WWOX: variants seen among roughly 807,000 people sequenced by gnomAD.
The protein encoded by WWOX is WW domain containing oxidoreductase, also known as WW domain-containing oxidoreductase.
WWOX carries 69 observed loss-of-function variants against 46.2 expected under a neutral mutation model. That is an observed-to-expected ratio of 1.49 (90% CI 1.23 to 1.82). WWOX has a LOEUF of 1.82. Among genes scored for constraint, WWOX ranks in the 40% most tolerant of loss-of-function variants. The pLI is 0.00. For missense variants in WWOX, 919 were observed against 542.6 expected (o/e 1.69, Z -6.89); for synonymous variants, 359 against 202.6 (o/e 1.77, Z -6.56).
chr16:78,797,188 G>C (rs1377277704), intron 8 of WWOX, among the ~76,000 whole-genome samples: 1 of 151,862 alleles, frequency 6.6e-6, no homozygotes, highest in African/African-American at 2.4e-5. Flanking sequence ...CATTGGATGT[G>C]GAAGAAATGA....
chr16:78,722,426 G>A (rs901555565), intron 8 of WWOX, among the ~76,000 whole-genome samples: 9 of 152,180 alleles, frequency 5.9e-5, no homozygotes, highest in Admixed American at 2.0e-4. Flanking sequence ...GTGACCGTAT[G>A]AAATGAGCAG....
intron 8 of WWOX, among the ~76,000 whole-genome samples, chr16:78,574,821 T>G (rs1387625209): frequency 6.7e-6 from 1 of 149,314 alleles, no homozygotes; most frequent in Non-Finnish European, 1.5e-5. Context: ...AGTGGGGAGG[T>G]GTTGATCTAA....
At chr16:78,605,919 A>G (rs890928344) in intron 8 of WWOX, among the ~76,000 whole-genome samples, 2 of 152,202 alleles carry the variant, frequency 1.3e-5, no homozygotes, top group Non-Finnish European at 2.9e-5. Flanking sequence ...GCATGGAGCA[A>G]GAAGCTGAAA....
chr16:78,700,281 C>T (rs1163810910), intron 8 of WWOX, among the ~76,000 whole-genome samples: 1 of 147,878 alleles, frequency 6.8e-6, no homozygotes, highest in African/African-American at 2.5e-5. Context: ...TTGTGGACAG[C>T]TGCCTTCTTG....
chr16:78,471,769 T>A (rs968357606), intron 8 of WWOX, among the ~76,000 whole-genome samples: 3 of 152,192 alleles, frequency 2.0e-5, no homozygotes, highest in African/African-American at 7.2e-5. Context: ...TTTCTCTTAA[T>A]CAAAATAATA....
intron 5 of WWOX, among the ~76,000 whole-genome samples, chr16:78,229,478 G>T (rs1335055779): frequency 8.8e-6 from 1 of 114,008 alleles, no homozygotes. Context: ...CTCTCTATAT[G>T]TATATCTGTA....
intron 8 of WWOX, among the ~76,000 whole-genome samples, chr16:79,192,320 CATT>C (rs2051152895): frequency 1.8e-5 from 1 of 54,758 alleles, no homozygotes; most frequent in East Asian, 4.7e-4. Context: ...TTCATTCATT[CATT>C]CATTCATTCA....
chr16:78,631,195 A>T (rs2046420917), intron 8 of WWOX, among the ~76,000 whole-genome samples: 1 of 152,150 alleles, frequency 6.6e-6, no homozygotes, highest in African/African-American at 2.4e-5. Context: ...CCCTTTGGAT[A>T]CTGAGGGACA....
At chr16:78,945,530 T>A (rs528693585) in intron 8 of WWOX, among the ~76,000 whole-genome samples, 1 of 152,352 alleles carries the variant, frequency 6.6e-6, no homozygotes, top group South Asian at 2.1e-4. Flanking sequence ...ACTGTTTATA[T>A]ACCCGGCCAC....
intron 8 of WWOX, among the ~76,000 whole-genome samples, chr16:78,755,178 C>T (rs1399970464): frequency 6.8e-6 from 1 of 147,140 alleles, no homozygotes; most frequent in Non-Finnish European, 1.5e-5. Flanking sequence ...AACAAGGCTG[C>T]ATGTTCTGCA....
chr16:78,877,753 C>T (rs979730854), intron 8 of WWOX, among the ~76,000 whole-genome samples: 5 of 152,108 alleles, frequency 3.3e-5, no homozygotes, highest in East Asian at 3.9e-4. Flanking sequence ...AGGCTTAGCA[C>T]GTGGAAGACA....
At chr16:79,060,706 A>G (rs925984917) in intron 8 of WWOX, among the ~76,000 whole-genome samples, 6 of 152,218 alleles carry the variant, frequency 3.9e-5, no homozygotes, top group Non-Finnish European at 8.8e-5. Flanking sequence ...TGTTTAATGT[A>G]ACCAATGAGG....
intron 8 of WWOX, among the ~76,000 whole-genome samples, chr16:78,911,458 G>A (rs550864068): frequency 6.6e-6 from 1 of 152,130 alleles, no homozygotes; most frequent in East Asian, 1.9e-4. Context: ...TGCTAGAAAT[G>A]ATAATGGTGA....
At chr16:78,402,456 C>T (rs2082435944) in intron 6 of WWOX, among the ~76,000 whole-genome samples, 1 of 152,006 alleles carries the variant, frequency 6.6e-6, no homozygotes, top group Admixed American at 6.6e-5. Flanking sequence ...ATTATTATAC[C>T]TTATTTGTAA....
chr16:78,714,289 C>T (rs767119897), intron 8 of WWOX, among the ~76,000 whole-genome samples: 10 of 152,036 alleles, frequency 6.6e-5, no homozygotes, highest in East Asian at 3.9e-4. Context: ...GGAGGCCACA[C>T]GATCATGGCG....
chr16:79,101,748 A>T (rs2049199929), intron 8 of WWOX: 1 of 151,654 alleles, frequency 6.6e-6, no homozygotes, highest in Admixed American at 6.6e-5. Context: ...AGCCTTAAAA[A>T]AAAAAAAAAA....
chr16:78,623,644 C>G (rs894508149), intron 8 of WWOX, among the ~76,000 whole-genome samples: 1 of 150,530 alleles, frequency 6.6e-6, no homozygotes. Flanking sequence ...GCAGCTGGGA[C>G]ATTAACCAAG....
At chr16:78,500,176 G>A (rs1445497743) in intron 8 of WWOX, among the ~76,000 whole-genome samples, 3 of 152,192 alleles carry the variant, frequency 2.0e-5, no homozygotes, top group African/African-American at 7.2e-5. Context: ...AATTTTGCCA[G>A]TCCTACGGTC....
At chr16:78,681,339 G>C (rs1356876587) in intron 8 of WWOX, among the ~76,000 whole-genome samples, 1 of 152,184 alleles carries the variant, frequency 6.6e-6, no homozygotes, top group African/African-American at 2.4e-5. Flanking sequence ...CAGAGGTAGA[G>C]GCTGCAGTGA....
Sources: allele counts gnomAD v4.1 joint callset (sites outside exome capture counted in the v4.1 genomes callset), GRCh38; gene constraint gnomAD v4.1.1; transcripts MANE v1.5; gene names NCBI Gene and HGNC (gene_info 2026-07-23, HGNC 2026-07-21).